ATP1A3: variants seen among roughly 807,000 people sequenced by gnomAD.
ATP1A3 encodes the protein sodium/potassium-transporting ATPase subunit alpha-3.
In ATP1A3, 12 loss-of-function variants were observed where a neutral mutation model predicts 108.8. That is an observed-to-expected ratio of 0.11 (90% CI 0.07 to 0.18). ATP1A3 has a LOEUF of 0.18. Ranked by LOEUF, ATP1A3 falls within the 10% of genes least tolerant of loss-of-function variation. ATP1A3 has a pLI of 1.00. For missense variants in ATP1A3, 498 were observed against 1,387.7 expected, an observed-to-expected ratio of 0.36 and a Z score of 10.19; for synonymous variants, 539 against 564.5, an observed-to-expected ratio of 0.95 and a Z score of 0.64.
At chr19:41,990,458 C>T (rs1401267246) in intron 1 of ATP1A3, among the ~76,000 whole-genome samples, 2 of 118,820 alleles carry the variant, frequency 1.7e-5, no homozygotes, top group African/African-American at 3.3e-5. Context: ...TCAAATCTTC[C>T]GTCCCCCTCC....
intron 16 of ATP1A3, among the ~76,000 whole-genome samples, chr19:41,970,790 C>A (rs1442193439): frequency 6.6e-6 from 1 of 151,452 alleles, no homozygotes; most frequent in African/African-American, 2.4e-5. Context: ...TGCCACCACG[C>A]CCGGCTAATT....
Position 41,968,452 on chromosome 19 carries a change from T to C in ATP1A3, c.2819+333A>G, listed in dbSNP as rs1362502099. Among the ~76,000 whole-genome samples, 2 of 152,086 alleles carry C rather than the reference T, an allele frequency of 1.3e-5. No homozygotes were observed. The highest frequency in any genetic ancestry group is 4.8e-5 in the African/African-American group (2 of 41,400). ...TGAACCCGGGAGGCGGAGGTTGCAG[T>C]GAGCCAAGATTGTGCCACTGCACTC... On this transcript the variant is annotated intron_variant, in intron 20 of 22. Transcript: ENST00000648268. The surrounding 1 kb of genome is among the most constrained non-coding windows in gnomAD (Gnocchi z 5.0).
At chr19:41,973,997 AAGGTGCGGGGATCACTTC>A (rs2075140048) in intron 16 of ATP1A3, among the ~76,000 whole-genome samples, 1 of 152,182 alleles carries the variant, frequency 6.6e-6, no homozygotes, top group Admixed American at 6.6e-5. Context: ...TTGGGAGGCC[AAGGTGCGGGGATCACTTC>A]AGGTCAGGAG....
At chr19:41,980,648 A>C (rs1202203073) in intron 11 of ATP1A3, among the ~76,000 whole-genome samples, 1 of 152,026 alleles carries the variant, frequency 6.6e-6, no homozygotes, top group Non-Finnish European at 1.5e-5. Context: ...GCGGTGGCTC[A>C]TGCCTGTAAT....
intron 18 of ATP1A3, among the ~76,000 whole-genome samples, chr19:41,969,980 T>C (rs1356807983): frequency 1.3e-5 from 2 of 151,440 alleles, no homozygotes; most frequent in African/African-American, 4.9e-5. Context: ...GCTCCACTCC[T>C]CTGGGGATCC....
intron 1 of ATP1A3, chr19:41,991,037 A>G (rs944011103): frequency 9.2e-5 from 14 of 152,152 alleles, no homozygotes; most frequent in Non-Finnish European, 1.2e-4. Context: ...CAGAAGCCCT[A>G]GTCCTGGCTT....
intron 4 of ATP1A3, 28 bp downstream of exon 4, chr19:41,987,908 T>G (rs202021269): frequency 1.2e-4 from 193 of 1,611,018 alleles, no homozygotes; most frequent in Non-Finnish European, 1.5e-4. Context: ...GTGCAGAGCC[T>G]TGCACAGGGC....
chr19:41,984,766 T>A, intron 8 of ATP1A3, 152 bp downstream of exon 8: 1 of 926,464 alleles, frequency 1.1e-6, no homozygotes, highest in Non-Finnish European at 1.6e-6. Context: ...GGGGTCCAGA[T>A]CCCAGCCCCT....
chr19:41,980,693 C>T (rs1471274499), intron 11 of ATP1A3, among the ~76,000 whole-genome samples: 2 of 151,960 alleles, frequency 1.3e-5, no homozygotes, highest in East Asian at 1.9e-4. Context: ...GGGCAGATCA[C>T]GAGGTCAGGA....
chr19:41,985,464 C>T lies in ATP1A3; in HGVS notation c.607-41G>A, dbSNP rs1555865108. The T allele has an allele frequency of 6.4e-7, 1 of 1,566,810 alleles. No homozygotes were observed. Among genetic ancestry groups the T allele is most frequent in the Admixed American group, 1.7e-5 (1 of 59,944 alleles). ...GCAGAGAGAGGGTTCAGTCCAGGGCCTGGGACAGGAGGGTATTTGTGTACA... is the reference window on the plus strand; with the variant it reads ...GCAGAGAGAGGGTTCAGTCCAGGGCTTGGGACAGGAGGGTATTTGTGTACA... On this transcript the variant is annotated intron_variant, in intron 6 of 22. Transcript: ENST00000648268. This position sits in a 1 kb window ranked among gnomAD's most constrained non-coding sequence, Gnocchi z 8.2.
Position 41,986,104 on chromosome 19 carries a change from G to A in ATP1A3, c.471+12C>T. ...AACACCCCCGTCTGGCCCCTTGCTG[G>A]GCACCCTTCACCTGGGGCACCATGT... On this transcript the variant is annotated intron_variant, in intron 5 of 22. Coordinates refer to ENST00000648268, the MANE Select transcript of ATP1A3 (RefSeq NM_152296.5). The A allele has an allele frequency of 1.2e-6, 2 of 1,614,120 alleles. No individual in the cohort carries two copies. The highest frequency in any genetic ancestry group is 1.7e-6 in the Non-Finnish European group (2 of 1,180,030).
intron 1 of ATP1A3, chr19:41,992,921 A>G (rs1599730353): frequency 6.1e-6 from 1 of 163,322 alleles, no homozygotes; most frequent in Non-Finnish European, 1.3e-5. Context: ...CCTCCATCCC[A>G]CTTACCTGAC....
rs1161217260 is a variant in ATP1A3 at position 41,966,872 on chromosome 19, G to A, written c.*65C>T. On this transcript the variant is annotated 3_prime_UTR_variant, in exon 23 of 23. Coordinates refer to ENST00000648268, the MANE Select transcript of ATP1A3 (RefSeq NM_152296.5). Reference sequence around the variant, plus strand: ...TCCCCCCAGAATACAAAATTGGGGGGACTGACAGGGGCGGTCCTGGGCCTG... The same window carrying A: ...TCCCCCCAGAATACAAAATTGGGGGAACTGACAGGGGCGGTCCTGGGCCTG... 6.5e-7 allele frequency: 1 copy of A among 1,549,770 alleles called. No homozygotes were observed. Among genetic ancestry groups the A allele is most frequent in the South Asian group, 1.2e-5 (1 of 84,006 alleles).
Position 41,986,215 on chromosome 19 carries a change from G to C in ATP1A3, c.372C>G (p.Ile124Met). 6.2e-7 allele frequency: 1 copy of C among 1,613,946 alleles called. No individual in the cohort carries two copies. The change falls in exon 5 of 23, where the codon ATC (isoleucine) becomes ATG (methionine). Residue 124 changes from isoleucine (I) to methionine (M), a missense_variant. By Grantham distance (10) the Ile-to-Met change is conservative. Transcript: ENST00000648268. The part of the protein sequence containing the change: ...DPSGDNLYLG[I>M]VLAAVVIITG... The stretch of plus-strand genomic sequence containing the variant: ...TGATGATCACCACGGCCGCCAGCAC[G>C]ATGCCCAGGTACAGCTGTGGGGAGA...
Position 41,970,100 on chromosome 19 carries a change from C to T in ATP1A3, c.2542+85G>A, listed in dbSNP as rs2075086601. ...CACGTCTGCTCCCCTGAGTCAATGC[C>T]AGGGTCCCAAGCACCCACGGTGGGC... is the stretch of plus-strand genomic sequence containing the variant. On this transcript the variant is annotated intron_variant, in intron 18 of 22. Coordinates refer to ENST00000648268, the MANE Select transcript of ATP1A3 (RefSeq NM_152296.5). 2.5e-6 allele frequency: 4 copies of T among 1,609,666 alleles called. No homozygotes were observed. In the Admixed American group the frequency reaches 5.0e-5, roughly 20 times the overall value.
rs1555866283 is a variant in ATP1A3, at chr19:41,988,485, C to T, written c.84G>A (p.Glu28=). Residue 28 remains glutamate (E), a synonymous_variant, in exon 2 of 23, where the codon GAG becomes GAA. Transcript: ENST00000648268. This position sits in a 1 kb window ranked among gnomAD's most constrained non-coding sequence, Gnocchi z 5.3. ...ERRDLDDLKK[E]VAMTEHKMSV... is the part of the protein sequence containing the mutation. Reference sequence around the variant, plus strand: ...AGAGGGCGAGGCTTACCATAGCCACCTCCTTCTTGAGGTCATCCAGGTCCC... The same window carrying T: ...AGAGGGCGAGGCTTACCATAGCCACTTCCTTCTTGAGGTCATCCAGGTCCC... 3 of 1,614,240 alleles carry T rather than the reference C, an allele frequency of 1.9e-6. No individual in the cohort carries two copies. Among genetic ancestry groups the T allele is most frequent in the East Asian group, 4.5e-5 (2 of 44,884 alleles).
intron 11 of ATP1A3, among the ~76,000 whole-genome samples, chr19:41,979,092 T>G (rs1169365015): frequency 6.6e-6 from 1 of 151,920 alleles, no homozygotes; most frequent in Non-Finnish European, 1.5e-5. Flanking sequence ...AACCTCCACC[T>G]CCTGGGTTCA....
chr19:41,983,849 A>G (rs1215591629), intron 8 of ATP1A3, among the ~76,000 whole-genome samples: 1 of 135,210 alleles, frequency 7.4e-6, no homozygotes, highest in Non-Finnish European at 1.5e-5. Context: ...ATCTCGGCTC[A>G]CTGCAAGCTC....
At chr19:41,992,848 T>C in intron 1 of ATP1A3, 1 of 154,068 alleles carries the variant, frequency 6.5e-6, no homozygotes, top group Non-Finnish European at 1.4e-5. Flanking sequence ...ACCACCTCCC[T>C]CTAACTTCCT....
Sources: allele counts gnomAD v4.1 joint callset (sites outside exome capture counted in the v4.1 genomes callset), GRCh38; gene constraint gnomAD v4.1.1; non-coding constraint Gnocchi (gnomAD v3.1); transcripts MANE v1.5; gene names NCBI Gene and HGNC (gene_info 2026-07-23, HGNC 2026-07-21).